Variants in GPR39 observed in about 807,000 individuals in gnomAD.
GPR39 encodes zinc sensing receptor.
In GPR39, 23 loss-of-function variants were observed where a neutral mutation model predicts 18.4. The ratio of observed to expected loss-of-function variants is 1.25; its 90% CI spans 0.90 to 1.77. GPR39 has a LOEUF of 1.77. Among genes scored for constraint, GPR39 ranks in the 40% most tolerant of loss-of-function variants. The probability of loss-of-function intolerance (pLI) is 0.00; values close to 1 mark genes in which losing one functional copy is unlikely to be tolerated. For missense variants in GPR39, 647 were observed against 602.4 expected, an observed-to-expected ratio of 1.07 and a Z score of -0.78; for synonymous variants, 280 against 257.9, an observed-to-expected ratio of 1.09 and a Z score of -0.82.
At chr2:132,483,564 A>C (rs1426233309) in intron 1 of GPR39, among the ~76,000 whole-genome samples, 1 of 152,204 alleles carries the variant, frequency 6.6e-6, no homozygotes, top group Non-Finnish European at 1.5e-5. Flanking sequence ...GGCTAATGTC[A>C]GTCTTTTGGT....
intron 1 of GPR39, among the ~76,000 whole-genome samples, chr2:132,526,493 T>C (rs1679511479): frequency 6.6e-6 from 1 of 152,216 alleles, no homozygotes; most frequent in African/African-American, 2.4e-5. Flanking sequence ...TAGTGGGATC[T>C]TTTACTTAAT....
intron 1 of GPR39, among the ~76,000 whole-genome samples, chr2:132,458,915 A>T (rs1262911927): frequency 6.6e-6 from 1 of 152,142 alleles, no homozygotes; most frequent in East Asian, 1.9e-4. Context: ...TGCATATATG[A>T]CATATCTGTG....
chr2:132,510,878 G>A (rs1679227305), intron 1 of GPR39, among the ~76,000 whole-genome samples: 2 of 152,144 alleles, frequency 1.3e-5, no homozygotes, highest in Non-Finnish European at 1.5e-5. Context: ...TCTGTACGTA[G>A]TATATAAGGA....
chr2:132,625,366 G>A (rs77774046), intron 1 of GPR39, among the ~76,000 whole-genome samples: 1 of 152,032 alleles, frequency 6.6e-6, no homozygotes. Flanking sequence ...TGTTTTGTAG[G>A]AATACTTTAT....
intron 1 of GPR39, among the ~76,000 whole-genome samples, chr2:132,641,030 CA>C (rs764800085): frequency 6.6e-6 from 1 of 152,122 alleles, no homozygotes; most frequent in Non-Finnish European, 1.5e-5. Context: ...TTTCCTAGAG[CA>C]AAACTATCTT....
chr2:132,432,843 A>C (rs1168305273), intron 1 of GPR39, among the ~76,000 whole-genome samples: 7 of 152,160 alleles, frequency 4.6e-5, no homozygotes, highest in Non-Finnish European at 8.8e-5. Context: ...TCATCTCTGC[A>C]TTAGACATAA....
At chr2:132,561,308 A>G (rs1009429294) in intron 1 of GPR39, among the ~76,000 whole-genome samples, 1 of 151,806 alleles carries the variant, frequency 6.6e-6, no homozygotes, top group Non-Finnish European at 1.5e-5. Flanking sequence ...TCATACCCCT[A>G]CCATTTCTCT....
intron 1 of GPR39, among the ~76,000 whole-genome samples, chr2:132,595,698 C>G (rs1310200643): frequency 6.6e-6 from 1 of 152,122 alleles, no homozygotes; most frequent in Non-Finnish European, 1.5e-5. Context: ...ACCCTTCATT[C>G]TGGCTCAGTC....
At chr2:132,451,155 G>T (rs1008172622) in intron 1 of GPR39, among the ~76,000 whole-genome samples, 2 of 128,028 alleles carry the variant, frequency 1.6e-5, no homozygotes, top group South Asian at 4.8e-4. Flanking sequence ...GGCTGTGTGT[G>T]TGTGTGTGTG....
At chr2:132,540,509 C>T (rs1168597215) in intron 1 of GPR39, among the ~76,000 whole-genome samples, 1 of 152,200 alleles carries the variant, frequency 6.6e-6, no homozygotes, top group African/African-American at 2.4e-5. Flanking sequence ...CCCTGTCTGC[C>T]ACATGGGCCT....
intron 1 of GPR39, among the ~76,000 whole-genome samples, chr2:132,634,988 A>G (rs1681723533): frequency 6.6e-6 from 1 of 152,340 alleles, no homozygotes; most frequent in African/African-American, 2.4e-5. Context: ...CCTTGAAGGC[A>G]GTTGTCAGAA....
At chr2:132,513,901 G>C (rs1573640349) in intron 1 of GPR39, among the ~76,000 whole-genome samples, 1 of 152,174 alleles carries the variant, frequency 6.6e-6, no homozygotes, top group Non-Finnish European at 1.5e-5. Context: ...TTTTTGTAGG[G>C]GTGGGTTTTT....
At chr2:132,449,033 A>C (rs926726516) in intron 1 of GPR39, among the ~76,000 whole-genome samples, 1 of 152,158 alleles carries the variant, frequency 6.6e-6, no homozygotes, top group African/African-American at 2.4e-5. Flanking sequence ...TTCAAATACC[A>C]CCTTGCATGG....
intron 1 of GPR39, among the ~76,000 whole-genome samples, chr2:132,477,012 G>A (rs1220073927): frequency 6.6e-6 from 1 of 152,160 alleles, no homozygotes; most frequent in East Asian, 1.9e-4. Context: ...TCTGGCTGTG[G>A]TGGGCTATGG....
chr2:132,485,711 G>A (rs1681323647), intron 1 of GPR39, among the ~76,000 whole-genome samples: 1 of 152,112 alleles, frequency 6.6e-6, no homozygotes, highest in South Asian at 2.1e-4. Flanking sequence ...ACATCTTCAG[G>A]CTCCACTTCT....
chr2:132,631,845 C>A (rs1464619536), intron 1 of GPR39, among the ~76,000 whole-genome samples: 1 of 145,910 alleles, frequency 6.9e-6, no homozygotes. Context: ...TTTTCTGAGA[C>A]TGATTCTCAA....
chr2:132,473,249 C>T (rs1681066095), intron 1 of GPR39, among the ~76,000 whole-genome samples: 1 of 152,202 alleles, frequency 6.6e-6, no homozygotes, highest in Non-Finnish European at 1.5e-5. Context: ...CTCCAAGTCA[C>T]TGGAAGCTCT....
rs1296735692 is a variant in GPR39, at chr2:132,565,548, C to T, written c.857-79553C>T. Among the ~76,000 whole-genome samples, 882 of 115,000 alleles carry T rather than the reference C, an allele frequency of 7.7e-3. 14 individuals carry two copies. Among genetic ancestry groups the T allele is most frequent in the African/African-American group, 0.027 (821 of 30,130 alleles). The allele number at this position is 115,000 out of a possible 152,430, so 75.4% of individuals were successfully genotyped here. A position where few individuals can be genotyped will look rare whatever the true frequency, so the allele number is the denominator to read the frequency against. On this transcript the variant is annotated intron_variant, in intron 1 of 1. Coordinates refer to ENST00000329321, the MANE Select transcript of GPR39 (RefSeq NM_001508.3). ...TATATCTCCCAATGCCATCCCTCCC[C>T]CCTCCCCCCACCCCACCACAGTCCC...
intron 1 of GPR39, among the ~76,000 whole-genome samples, chr2:132,543,087 C>G (rs1296349298): frequency 2.0e-5 from 3 of 152,196 alleles, no homozygotes; most frequent in African/African-American, 7.2e-5. Flanking sequence ...GCTAGGTTTG[C>G]ATTCTTGTCT....
Sources: allele counts gnomAD v4.1 joint callset (sites outside exome capture counted in the v4.1 genomes callset), GRCh38; gene constraint gnomAD v4.1.1; transcripts MANE v1.5; gene names NCBI Gene and HGNC (gene_info 2026-07-23, HGNC 2026-07-21).